RPS6KC1: variants seen among roughly 807,000 people sequenced by gnomAD.
RPS6KC1 encodes inactive ribosomal protein S6 kinase delta-1.
Under a neutral mutation model 103.8 loss-of-function variants are expected in RPS6KC1, and 54 were observed. The observed-to-expected ratio is 0.52, with a 90% CI of 0.42 to 0.65. The LOEUF (loss-of-function observed/expected upper bound fraction) is 0.65. Ranked by LOEUF, RPS6KC1 falls within the 30% of genes least tolerant of loss-of-function variation. The pLI, the probability that RPS6KC1 is intolerant of heterozygous loss-of-function variation, is 0.00. For synonymous variants in RPS6KC1, 439 were observed against 438.7 expected (o/e 1.00, Z -0.01); for missense variants, 1,151 against 1,253.8 (o/e 0.92, Z 1.24).
At chr1:213,513,823 A>G in the RPS6KC1 span, among the ~76,000 whole-genome samples, 7 of 152,256 alleles carry the variant, frequency 4.6e-5, no homozygotes, top group African/African-American at 1.7e-4. Context: ...GACACAAAGT[A>G]ATACTGATAT....
chr1:213,785,435 A>AC, the RPS6KC1 span, among the ~76,000 whole-genome samples: 2 of 151,894 alleles, frequency 1.3e-5, no homozygotes, highest in African/African-American at 2.4e-5. Flanking sequence ...ATAAAAAAAA[A>AC]CCCAGAAAAT....
At chr1:213,173,469 C>T (rs756822251) in intron 7 of RPS6KC1, among the ~76,000 whole-genome samples, 4 of 152,146 alleles carry the variant, frequency 2.6e-5, no homozygotes, top group African/African-American at 4.8e-5. Flanking sequence ...CTTTTCTTCT[C>T]GGCATTCAAG....
chr1:213,471,524 C>A, the RPS6KC1 span, among the ~76,000 whole-genome samples: 80 of 152,284 alleles, frequency 5.3e-4, 3 homozygotes, highest in South Asian at 0.016. Context: ...TTCCCCTCCA[C>A]CTTCTCCTAC....
intron 5 of RPS6KC1, among the ~76,000 whole-genome samples, chr1:213,126,223 T>C (rs899627325): frequency 6.6e-6 from 1 of 152,130 alleles, no homozygotes; most frequent in East Asian, 1.9e-4. Context: ...ATAAAATTTA[T>C]ATATATTTCT....
chr1:213,582,211 G>A, the RPS6KC1 span, among the ~76,000 whole-genome samples: 1 of 150,200 alleles, frequency 6.7e-6, no homozygotes, highest in Non-Finnish European at 1.5e-5. Context: ...AAAGGTAAAG[G>A]AAATCTCTAT....
At chr1:213,320,897 C>T in the RPS6KC1 span, among the ~76,000 whole-genome samples, 4 of 152,190 alleles carry the variant, frequency 2.6e-5, no homozygotes, top group Admixed American at 6.5e-5. Context: ...TTCCTCATTT[C>T]GGCCCCCTTT....
chr1:213,078,378 A>G (rs895926084), intron 3 of RPS6KC1, among the ~76,000 whole-genome samples: 2 of 151,746 alleles, frequency 1.3e-5, no homozygotes, highest in South Asian at 2.1e-4. Context: ...TTTTTTTTCT[A>G]TAACTCTAAC....
chr1:213,522,379 T>C, the RPS6KC1 span, among the ~76,000 whole-genome samples: 1 of 152,226 alleles, frequency 6.6e-6, no homozygotes, highest in South Asian at 2.1e-4. Flanking sequence ...GGAGTAGATT[T>C]AGCATAATTC....
the RPS6KC1 span, among the ~76,000 whole-genome samples, chr1:213,378,964 G>A: frequency 2.6e-5 from 4 of 152,156 alleles, no homozygotes; most frequent in African/African-American, 9.7e-5. Flanking sequence ...GAAGGCTGAG[G>A]GGGAGAGAGT....
At chr1:213,550,416 A>T in the RPS6KC1 span, among the ~76,000 whole-genome samples, 2 of 152,190 alleles carry the variant, frequency 1.3e-5, no homozygotes, top group Non-Finnish European at 2.9e-5. Flanking sequence ...AAAGAAAAGT[A>T]CTAAAGGACA....
At chr1:213,411,242 A>G in the RPS6KC1 span, among the ~76,000 whole-genome samples, 66 of 152,226 alleles carry the variant, frequency 4.3e-4, no homozygotes, top group Non-Finnish European at 8.2e-4. Context: ...GGAAAGTCAC[A>G]TGAGGAAGAA....
the RPS6KC1 span, among the ~76,000 whole-genome samples, chr1:213,636,686 A>G: frequency 6.6e-6 from 1 of 152,152 alleles, no homozygotes; most frequent in Non-Finnish European, 1.5e-5. Flanking sequence ...AGGCAATACC[A>G]CTCAGGACAT....
chr1:213,728,949 T>TTTTTTTTTG, the RPS6KC1 span, among the ~76,000 whole-genome samples: 1 of 72,012 alleles, frequency 1.4e-5, no homozygotes, highest in Non-Finnish European at 2.7e-5. Flanking sequence ...TTTTTTTTTG[T>TTTTTTTTTG]TTTTTTTTTT....
chr1:213,126,518 G>A (rs2085008408), intron 5 of RPS6KC1, among the ~76,000 whole-genome samples: 2 of 152,114 alleles, frequency 1.3e-5, no homozygotes, highest in South Asian at 4.1e-4. Context: ...TTAGTGGCCA[G>A]TAACATGTTT....
chr1:213,379,784 T>G, the RPS6KC1 span, among the ~76,000 whole-genome samples: 1 of 152,028 alleles, frequency 6.6e-6, no homozygotes. Context: ...AGGTCCCGTC[T>G]CACACCAGTT....
At chr1:213,333,000 G>T in the RPS6KC1 span, among the ~76,000 whole-genome samples, 1 of 152,094 alleles carries the variant, frequency 6.6e-6, no homozygotes, top group Non-Finnish European at 1.5e-5. Flanking sequence ...TTCTCACCAG[G>T]TCTCTTCTTG....
the RPS6KC1 span, among the ~76,000 whole-genome samples, chr1:213,490,818 A>T: frequency 1.3e-5 from 2 of 152,124 alleles, no homozygotes; most frequent in Admixed American, 1.3e-4. Flanking sequence ...GGGATTGAGG[A>T]GGGGAGTGTT....
At chr1:213,113,004 A>G (rs1406293777) in intron 4 of RPS6KC1, among the ~76,000 whole-genome samples, 8 of 152,212 alleles carry the variant, frequency 5.3e-5, no homozygotes, top group Non-Finnish European at 1.2e-4. Flanking sequence ...GCTATTGTGA[A>G]TAATGCCGCA....
At chr1:213,765,436 C>A in the RPS6KC1 span, among the ~76,000 whole-genome samples, 4 of 152,182 alleles carry the variant, frequency 2.6e-5, no homozygotes, top group African/African-American at 9.7e-5. Flanking sequence ...CTTGTTAGGG[C>A]ATTGCCAGCT....
Sources: allele counts gnomAD v4.1 joint callset (sites outside exome capture counted in the v4.1 genomes callset), GRCh38; gene constraint gnomAD v4.1.1; transcripts MANE v1.5; gene names NCBI Gene and HGNC (gene_info 2026-07-23, HGNC 2026-07-21).